The following ROBO1 variants were observed in gnomAD, a reference collection of about 807,000 sequenced individuals.
The protein encoded by ROBO1 is roundabout homolog 1.
Under a neutral mutation model 195.9 loss-of-function variants are expected in ROBO1, and 149 were observed. The observed-to-expected ratio is 0.76, with a 90% CI of 0.67 to 0.87. The LOEUF (loss-of-function observed/expected upper bound fraction) is 0.87. ROBO1 is among the 40% of genes least tolerant of loss of function. The pLI, the probability that ROBO1 is intolerant of heterozygous loss-of-function variation, is 0.00. For missense variants in ROBO1, 1,933 were observed against 2,068.3 expected, an observed-to-expected ratio of 0.93 and a Z score of 1.27; for synonymous variants, 816 against 733.2, an observed-to-expected ratio of 1.11 and a Z score of -1.82.
intron 4 of ROBO1, among the ~76,000 whole-genome samples, chr3:78,903,941 A>G (rs2037739393): frequency 6.6e-6 from 1 of 152,028 alleles, no homozygotes; most frequent in Non-Finnish European, 1.5e-5. Context: ...ATTTGAGGGT[A>G]TTCTCCTGAT....
intron 28 of ROBO1, 31 bp from the exon 29 acceptor site, chr3:78,607,072 A>G: frequency 1.9e-6 from 3 of 1,574,822 alleles, no homozygotes; most frequent in Non-Finnish European, 2.6e-6. Flanking sequence ...TACTACTGTA[A>G]AAGTCTGCTG....
intron 8 of ROBO1, among the ~76,000 whole-genome samples, chr3:78,710,670 A>G (rs1344305031): frequency 1.3e-5 from 2 of 152,214 alleles, no homozygotes; most frequent in East Asian, 1.9e-4. Context: ...CTTCTAGGTT[A>G]CATAGTAGTA....
At chr3:79,627,603 T>C (rs1945216483) in intron 1 of ROBO1, among the ~76,000 whole-genome samples, 1 of 145,416 alleles carries the variant, frequency 6.9e-6, no homozygotes, top group South Asian at 2.3e-4. Context: ...AAAGACTTCA[T>C]GACAAAAATG....
intron 2 of ROBO1, among the ~76,000 whole-genome samples, chr3:79,588,057 C>A (rs1372598404): frequency 6.6e-6 from 1 of 151,574 alleles, no homozygotes; most frequent in African/African-American, 2.4e-5. Context: ...TCAAAATGGG[C>A]CCTGAGTAAT....
intron 2 of ROBO1, among the ~76,000 whole-genome samples, chr3:79,462,623 C>A (rs944556638): frequency 6.6e-6 from 1 of 152,076 alleles, no homozygotes; most frequent in South Asian, 2.1e-4. Flanking sequence ...AATAAAGTTA[C>A]CTACGAAATA....
intron 2 of ROBO1, among the ~76,000 whole-genome samples, chr3:79,154,316 C>T (rs1295565689): frequency 6.6e-6 from 1 of 151,700 alleles, no homozygotes; most frequent in African/African-American, 2.4e-5. Context: ...CACTTGAGGC[C>T]ATGTAAGGTC....
At chr3:78,938,561 C>CCA (rs2039945743) in intron 4 of ROBO1, 40 bp downstream of exon 4, 1 of 1,539,216 alleles carries the variant, frequency 6.5e-7, no homozygotes, top group African/African-American at 1.4e-5. Flanking sequence ...CGCCACTCTG[C>CCA]CACTCCCTCT....
chr3:79,025,049 G>T (rs1221763093), intron 3 of ROBO1, among the ~76,000 whole-genome samples: 2 of 152,074 alleles, frequency 1.3e-5, no homozygotes, highest in South Asian at 2.1e-4. Flanking sequence ...ACATGAGCTA[G>T]TCCCTCATAC....
intron 2 of ROBO1, among the ~76,000 whole-genome samples, chr3:79,334,574 G>A (rs2034589274): frequency 6.6e-6 from 1 of 151,714 alleles, no homozygotes; most frequent in African/African-American, 2.4e-5. Flanking sequence ...GTGTGATGGA[G>A]CCCTCTCTAC....
At chr3:79,324,013 T>A (rs1280066596) in intron 2 of ROBO1, among the ~76,000 whole-genome samples, 1 of 151,484 alleles carries the variant, frequency 6.6e-6, no homozygotes, top group East Asian at 1.9e-4. Flanking sequence ...AAAAATAAGT[T>A]TTTTTTTTAA....
At chr3:78,969,894 TACTC>T (rs1057435251) in intron 3 of ROBO1, among the ~76,000 whole-genome samples, 30 of 152,322 alleles carry the variant, frequency 2.0e-4, no homozygotes, top group African/African-American at 6.5e-4. Context: ...TGTTGCTAAA[TACTC>T]AGTGAGTTAC....
chr3:78,692,449 T>A (rs1352582413), intron 8 of ROBO1, among the ~76,000 whole-genome samples: 1 of 152,006 alleles, frequency 6.6e-6, no homozygotes, highest in East Asian at 1.9e-4. Context: ...TTTGTATTTT[T>A]TGGTAGAGAT....
chr3:79,649,773 C>T (rs1006840694), intron 1 of ROBO1, among the ~76,000 whole-genome samples: 2 of 151,970 alleles, frequency 1.3e-5, no homozygotes, highest in East Asian at 3.9e-4. Flanking sequence ...CCTTAATGAA[C>T]ATGGGCACTA....
intron 8 of ROBO1, among the ~76,000 whole-genome samples, chr3:78,695,903 T>G (rs550581616): frequency 1.2e-4 from 18 of 152,104 alleles, no homozygotes; most frequent in Non-Finnish European, 4.4e-5. Flanking sequence ...ATATGGACTA[T>G]GTAAAATCCT....
rs527949762 is a variant in ROBO1 at position 78,606,289 on chromosome 3, C to G, written c.4744+444G>C. On this transcript the variant is annotated intron_variant, in intron 29 of 30. Transcript: ENST00000464233. Reference sequence around the variant, plus strand: ...CTGGGTGCAAGCCATCCTCCCATCTCAGCCTCCCGAGTAACTAGGACTAGA... The same window carrying G: ...CTGGGTGCAAGCCATCCTCCCATCTGAGCCTCCCGAGTAACTAGGACTAGA... Among the ~76,000 whole-genome samples the G allele has an allele frequency of 1.7e-4, 26 of 152,314 alleles. No individual in the cohort carries two copies. The South Asian group carries it at 5.4e-3, about 32-fold the overall frequency.
intron 3 of ROBO1, among the ~76,000 whole-genome samples, chr3:79,061,324 A>G (rs947342741): frequency 2.0e-5 from 3 of 152,180 alleles, no homozygotes; most frequent in Admixed American, 1.3e-4. Flanking sequence ...AAGGAGAACT[A>G]TAAACCACTG....
At chr3:78,711,354 C>CTTTCTTTCTTTCT (rs1559772810) in intron 8 of ROBO1, among the ~76,000 whole-genome samples, 1 of 65,160 alleles carries the variant, frequency 1.5e-5, no homozygotes, top group African/African-American at 8.0e-5. Context: ...CTTCCTCCTT[C>CTTTCTTTCTTTCT]CTTCCTTCCT....
chr3:79,479,660 A>G (rs1938734491), intron 2 of ROBO1, among the ~76,000 whole-genome samples: 1 of 152,214 alleles, frequency 6.6e-6, no homozygotes, highest in Non-Finnish European at 1.5e-5. Flanking sequence ...TAGGAAATCT[A>G]CAATATCAAA....
At chr3:79,034,699 G>A (rs1272602699) in intron 3 of ROBO1, among the ~76,000 whole-genome samples, 1 of 152,090 alleles carries the variant, frequency 6.6e-6, no homozygotes, top group Non-Finnish European at 1.5e-5. Context: ...GGAGCTACTT[G>A]AAAACTTATG....
Sources: allele counts gnomAD v4.1 joint callset (sites outside exome capture counted in the v4.1 genomes callset), GRCh38; gene constraint gnomAD v4.1.1; transcripts MANE v1.5; gene names NCBI Gene and HGNC (gene_info 2026-07-23, HGNC 2026-07-21).